Variants in ANTXR1 observed in about 807,000 individuals in gnomAD.
The protein encoded by ANTXR1 is ANTXR cell adhesion molecule 1, also known as anthrax toxin receptor 1.
A neutral mutation model predicts 78.1 loss-of-function variants in ANTXR1; 19 were observed. The observed-to-expected ratio is 0.24, with a 90% CI of 0.17 to 0.36. The LOEUF (loss-of-function observed/expected upper bound fraction) is 0.36. Among genes scored for constraint, ANTXR1 ranks in the 10% least tolerant of loss-of-function variants. The pLI, the probability that ANTXR1 is intolerant of heterozygous loss-of-function variation, is 1.00. For synonymous variants in ANTXR1, 273 were observed against 260.5 expected (o/e 1.05, Z -0.46); for missense variants, 518 against 718.6 (o/e 0.72, Z 3.19).
intron 17 of ANTXR1, among the ~76,000 whole-genome samples, chr2:69,206,475 C>A (rs1029441648): frequency 2.0e-5 from 3 of 152,170 alleles, no homozygotes; most frequent in Non-Finnish European, 4.4e-5. Context: ...TGTTTCTATG[C>A]AACAAAATTA....
intron 8 of ANTXR1, among the ~76,000 whole-genome samples, chr2:69,080,024 A>G (rs1670853165): frequency 1.3e-5 from 2 of 152,364 alleles, no homozygotes. Flanking sequence ...TAGCGAAACT[A>G]TCGTTCAAAA....
intron 10 of ANTXR1, among the ~76,000 whole-genome samples, chr2:69,120,116 T>C (rs1672292063): frequency 6.6e-6 from 1 of 152,212 alleles, no homozygotes; most frequent in Non-Finnish European, 1.5e-5. Context: ...TTAAACATGT[T>C]CGAAACACTG....
chr2:69,155,606 A>T (rs55738015), intron 13 of ANTXR1, among the ~76,000 whole-genome samples: 3,419 of 152,134 alleles, frequency 0.022, 137 homozygotes, highest in African/African-American at 0.076. Context: ...TCATTTTTTT[A>T]AAAAAAGTTG....
chr2:69,155,725 TC>T (rs1386169425), intron 13 of ANTXR1, among the ~76,000 whole-genome samples: 2 of 152,168 alleles, frequency 1.3e-5, no homozygotes, highest in Non-Finnish European at 2.9e-5. Flanking sequence ...AATGCAGGTA[TC>T]CCTGAGAGTC....
At chr2:69,063,733 AT>A (rs200451564) in intron 3 of ANTXR1, among the ~76,000 whole-genome samples, 2 of 152,308 alleles carry the variant, frequency 1.3e-5, no homozygotes, top group East Asian at 1.9e-4. Flanking sequence ...AAACAGAGAA[AT>A]AAAATGTATG....
chr2:69,105,285 G>T (rs570057332), intron 10 of ANTXR1, among the ~76,000 whole-genome samples: 1 of 152,260 alleles, frequency 6.6e-6, no homozygotes, highest in South Asian at 2.1e-4. Flanking sequence ...TATTCAAAAA[G>T]AAATGGAGGT....
intron 12 of ANTXR1, among the ~76,000 whole-genome samples, chr2:69,142,038 C>G (rs1027153262): frequency 1.1e-4 from 16 of 152,158 alleles, no homozygotes; most frequent in African/African-American, 3.1e-4. Context: ...GTATAAATAA[C>G]TTGACATCAT....
intron 1 of ANTXR1, among the ~76,000 whole-genome samples, chr2:69,014,136 G>C (rs546839386): frequency 1.3e-5 from 2 of 152,236 alleles, no homozygotes; most frequent in Non-Finnish European, 2.9e-5. Context: ...CATTATCTTT[G>C]CTCCTAATCA....
chr2:69,050,942 T>C (rs1281343018), intron 3 of ANTXR1, among the ~76,000 whole-genome samples: 1 of 152,142 alleles, frequency 6.6e-6, no homozygotes, highest in Non-Finnish European at 1.5e-5. Flanking sequence ...TTACTATTAT[T>C]AGTTCCTTCC....
At chr2:69,142,776 A>G (rs1403377178) in intron 12 of ANTXR1, among the ~76,000 whole-genome samples, 1 of 152,114 alleles carries the variant, frequency 6.6e-6, no homozygotes, top group East Asian at 1.9e-4. Context: ...AGAGCGAGGT[A>G]TGTATGGGGA....
chr2:69,154,880 G>T (rs573957750), intron 13 of ANTXR1, among the ~76,000 whole-genome samples: 2 of 152,316 alleles, frequency 1.3e-5, no homozygotes, highest in South Asian at 2.1e-4. Flanking sequence ...TATGTGAAGG[G>T]GTGGGGGATG....
chr2:69,068,507 G>A (rs1211457097), intron 3 of ANTXR1, among the ~76,000 whole-genome samples: 3 of 152,142 alleles, frequency 2.0e-5, no homozygotes, highest in Admixed American at 6.5e-5. Context: ...AGTGATTGCC[G>A]ATGTGAAGTG....
At chr2:69,154,521 T>C (rs1156953008) in intron 13 of ANTXR1, among the ~76,000 whole-genome samples, 1 of 152,130 alleles carries the variant, frequency 6.6e-6, no homozygotes, top group African/African-American at 2.4e-5. Context: ...CAGAGTTTCA[T>C]TCAGAGGACA....
At position 69,160,987 on chromosome 2, in the gene ANTXR1, A is replaced by G. The variant is rs542827530; in HGVS notation, c.1047+8723A>G. Among the ~76,000 whole-genome samples the G allele has an allele frequency of 5.9e-5, 9 of 152,316 alleles. No homozygotes were observed. The South Asian group carries it at 1.9e-3, about 32-fold the overall frequency. On this transcript the variant is annotated intron_variant, in intron 13 of 17. Coordinates refer to ENST00000303714, the MANE Select transcript of ANTXR1 (RefSeq NM_032208.3). ...TGCCCTCCCTGGAGGCTGTATCAAT[A>G]TCAACAAGCTTGAACATCTTGTGAA...
intron 2 of ANTXR1, among the ~76,000 whole-genome samples, chr2:69,041,286 A>G (rs1669609275): frequency 6.6e-6 from 1 of 152,242 alleles, no homozygotes. Context: ...CTCTACTTGA[A>G]TAGCTCTGGT....
chr2:69,228,637 C>G (rs1476208780), intron 17 of ANTXR1, among the ~76,000 whole-genome samples: 1 of 152,170 alleles, frequency 6.6e-6, no homozygotes, highest in African/African-American at 2.4e-5. Context: ...GCAGCTAGTA[C>G]CAAGCCTGGC....
intron 1 of ANTXR1, among the ~76,000 whole-genome samples, chr2:69,014,558 A>G (rs936443710): frequency 6.6e-5 from 10 of 152,168 alleles, no homozygotes; most frequent in African/African-American, 1.9e-4. Flanking sequence ...CCAAATCCGC[A>G]TAAGTTTGCC....
At chr2:69,115,746 GC>G (rs1672120510) in intron 10 of ANTXR1, among the ~76,000 whole-genome samples, 1 of 152,222 alleles carries the variant, frequency 6.6e-6, no homozygotes, top group Admixed American at 6.5e-5. Flanking sequence ...TGTTGGCCAA[GC>G]CCATCCCCTG....
chr2:69,193,490 C>A (rs7570011), intron 17 of ANTXR1, 75 bp downstream of exon 17: 3 of 1,225,694 alleles, frequency 2.4e-6, no homozygotes, highest in Non-Finnish European at 3.6e-6. Flanking sequence ...CACACACACA[C>A]ATATTCTTTT....
Sources: allele counts gnomAD v4.1 joint callset (sites outside exome capture counted in the v4.1 genomes callset), GRCh38; gene constraint gnomAD v4.1.1; transcripts MANE v1.5; gene names NCBI Gene and HGNC (gene_info 2026-07-23, HGNC 2026-07-21).